Variants in TUBE1 observed in about 807,000 individuals in gnomAD.
TUBE1 encodes the protein tubulin epsilon chain.
Under a neutral mutation model 53.5 loss-of-function variants are expected in TUBE1, and 34 were observed. The observed-to-expected ratio is 0.64, with a 90% confidence interval of 0.48 to 0.85. The LOEUF (loss-of-function observed/expected upper bound fraction) is 0.85. Among genes scored for constraint, TUBE1 ranks in the 40% least tolerant of loss-of-function variants. The pLI is 0.00. For synonymous variants in TUBE1, 177 were observed against 198.4 expected (o/e 0.89, Z 0.91); for missense variants, 532 against 570.5 (o/e 0.93, Z 0.69).
rs139688712 is a variant in TUBE1, at chr6:112,071,697, T to G, written c.1270-127A>C. ...AGCTCTACATTTGAAAGAGAACTTG[T>G]GTCAAATTGAATGAATCCTATAAAC... On this transcript the variant is annotated intron_variant, in intron 11 of 11. Transcript: ENST00000368662. 27 of 989,050 alleles carry G rather than the reference T, an allele frequency of 2.7e-5. No individual in the cohort carries two copies. The African/African-American group carries it at 3.8e-4, about 14-fold the overall frequency. 61.3% of individuals were successfully genotyped at this position (989,050 alleles called of 1,614,324 possible).
chr6:112,084,199 A>T lies in TUBE1; in HGVS notation c.200T>A (p.Leu67Ter). 6.2e-7 allele frequency: 1 copy of T among 1,611,868 alleles called. No homozygotes were observed. The highest frequency in any genetic ancestry group is 8.5e-7 in the Non-Finnish European group (1 of 1,178,076). ...GSISKGKICS[L>*]KARAVLIDME... ...GCATATGTATCTTACTCGTGCTTTT[A>T]AAGAACATATTTTTCCCTTGGAAAT... Residue 67 changes from leucine to a stop codon, truncating the protein, a stop_gained, in exon 4 of 12, where the codon TTA becomes TAA. Transcript: ENST00000368662. LOFTEE classifies it high-confidence loss of function.
chr6:112,085,330 T>A (rs1777131264), intron 3 of TUBE1: 1 of 162,228 alleles, frequency 6.2e-6, no homozygotes, highest in Non-Finnish European at 1.3e-5. Context: ...TTTGCCAAAC[T>A]TACCGGGAAA....
intron 5 of TUBE1, among the ~76,000 whole-genome samples, chr6:112,080,559 GAT>G (rs1257841423): frequency 1.3e-5 from 2 of 151,948 alleles, no homozygotes; most frequent in African/African-American, 2.4e-5. Context: ...GAATATGAGA[GAT>G]TTGCAAATAA....
intron 11 of TUBE1, 74 bp from the exon 12 acceptor site, chr6:112,071,644 T>C: frequency 8.2e-7 from 1 of 1,226,296 alleles, no homozygotes; most frequent in South Asian, 1.7e-5. Flanking sequence ...AAAAGGTAAA[T>C]ATTCCTTATT....
At chr6:112,085,521 C>T (rs970514442) in intron 3 of TUBE1, 14 of 364,078 alleles carry the variant, frequency 3.8e-5, no homozygotes, top group South Asian at 2.8e-4. Flanking sequence ...AGAGAAGCGC[C>T]GGAAAGGAAG....
chr6:112,086,846 T>C, intron 2 of TUBE1: 3 of 517,940 alleles, frequency 5.8e-6, no homozygotes, highest in East Asian at 6.3e-5. Context: ...CATAGGACTG[T>C]AGGACAGGTC....
intron 4 of TUBE1, among the ~76,000 whole-genome samples, chr6:112,081,924 C>G (rs1474713074): frequency 1.3e-5 from 2 of 150,862 alleles, no homozygotes; most frequent in Admixed American, 1.3e-4. Flanking sequence ...TATTCTACAG[C>G]GAGGAAGAAG....
chr6:112,084,098 A>G (rs1562606100), intron 4 of TUBE1, 91 bp downstream of exon 4: 2 of 1,076,304 alleles, frequency 1.9e-6, no homozygotes, highest in East Asian at 4.9e-5. Context: ...TTCTACTTTG[A>G]AAAGTTTAAA....
chr6:112,085,862 C>A, intron 3 of TUBE1: 1 of 360,772 alleles, frequency 2.8e-6, no homozygotes, highest in South Asian at 2.2e-5. Context: ...AGTTTGCAAG[C>A]CAGTGCCCTA....
chr6:112,086,407 A>G (rs1777157517), intron 3 of TUBE1, 149 bp downstream of exon 3: 2 of 471,444 alleles, frequency 4.2e-6, no homozygotes, highest in Admixed American at 4.0e-5. Flanking sequence ...TAAGAATATT[A>G]ATAATCTAAT....
At chr6:112,073,661 G>T (rs142817308) in intron 9 of TUBE1, among the ~76,000 whole-genome samples, 73 of 152,290 alleles carry the variant, frequency 4.8e-4, no homozygotes, top group African/African-American at 1.6e-3. Context: ...TGTTGGCTTA[G>T]ATGAAAACTT....
At chr6:112,080,250 A>G (rs1312571777) in intron 5 of TUBE1, among the ~76,000 whole-genome samples, 3 of 152,104 alleles carry the variant, frequency 2.0e-5, no homozygotes, top group Non-Finnish European at 4.4e-5. Flanking sequence ...GAAATGGTAC[A>G]TGGTAGAAAT....
chr6:112,073,605 T>C (rs910778127), intron 9 of TUBE1, among the ~76,000 whole-genome samples: 2 of 152,164 alleles, frequency 1.3e-5, no homozygotes, highest in Non-Finnish European at 2.9e-5. Flanking sequence ...CAGCATCCCA[T>C]GCAGAAACGG....
intron 10 of TUBE1, among the ~76,000 whole-genome samples, 163 bp downstream of exon 10, chr6:112,072,595 T>C (rs1227668727): frequency 6.6e-6 from 1 of 152,144 alleles, no homozygotes; most frequent in Non-Finnish European, 1.5e-5. Context: ...TATCCTTATT[T>C]TACACTTGAA....
chr6:112,073,844 T>C (rs1776908744), intron 9 of TUBE1, among the ~76,000 whole-genome samples: 1 of 152,198 alleles, frequency 6.6e-6, no homozygotes, highest in African/African-American at 2.4e-5. Flanking sequence ...ATCAAAATTA[T>C]AGCTCAATGC....
At chr6:112,084,480 C>T (rs893950313) in intron 3 of TUBE1, among the ~76,000 whole-genome samples, 1 of 152,162 alleles carries the variant, frequency 6.6e-6, no homozygotes, top group Admixed American at 6.5e-5. Flanking sequence ...TAATCCAGTT[C>T]TAGCCAATGA....
At chr6:112,075,767 G>T in intron 8 of TUBE1, 170 bp downstream of exon 8, 1 of 541,882 alleles carries the variant, frequency 1.8e-6, no homozygotes, top group Non-Finnish European at 3.2e-6. Context: ...ATGCTGCTTT[G>T]GAGTCATAGA....
At chr6:112,074,410 CCCA>C (rs1336639397) in intron 9 of TUBE1, among the ~76,000 whole-genome samples, 3 of 151,976 alleles carry the variant, frequency 2.0e-5, no homozygotes, top group African/African-American at 7.3e-5. Context: ...AAGTCACTTG[CCCA>C]AAGTCCTGTA....
chr6:112,072,684 G>T, intron 10 of TUBE1, 74 bp downstream of exon 10: 2 of 1,483,562 alleles, frequency 1.3e-6, no homozygotes, highest in Non-Finnish European at 1.8e-6. Flanking sequence ...TTTGAAGGGC[G>T]GCTGTTAACT....
Sources: allele counts gnomAD v4.1 joint callset (sites outside exome capture counted in the v4.1 genomes callset), GRCh38; gene constraint gnomAD v4.1.1; transcripts MANE v1.5; gene names NCBI Gene and HGNC (gene_info 2026-07-23, HGNC 2026-07-21).